CELF2: variants seen among roughly 807,000 people sequenced by gnomAD.
The protein encoded by CELF2 is CUGBP Elav-like family member 2.
A neutral mutation model predicts 62.6 loss-of-function variants in CELF2; 8 were observed. The ratio of observed to expected loss-of-function variants is 0.13; its 90% CI spans 0.07 to 0.23. The LOEUF is 0.23. Ranked by LOEUF, CELF2 falls within the 10% of genes least tolerant of loss-of-function variation. The pLI, the probability that CELF2 is intolerant of heterozygous loss-of-function variation, is 1.00. For missense variants in CELF2, 333 were observed against 671.0 expected (o/e 0.50, Z 5.56); for synonymous variants, 258 against 250.0 (o/e 1.03, Z -0.30).
chr10:10,730,347 C>A, the CELF2 span, among the ~76,000 whole-genome samples: 1 of 152,070 alleles, frequency 6.6e-6, no homozygotes, highest in Non-Finnish European at 1.5e-5. Context: ...CATGGTGATG[C>A]ATGCCTGTAA....
chr10:11,005,346 T>C lies in CELF2; in HGVS notation c.-42T>C. On this transcript the variant is annotated 5_prime_UTR_variant, in exon 1 of 13. Coordinates refer to the CELF2 transcript ENST00000416382. This position sits in a 1 kb window ranked among gnomAD's most constrained non-coding sequence, Gnocchi z 4.3. ...CGACTGTGGCATTGATGTTTGAGCATACTTCTGAACTGGCTTTTGTTGAGA... is the reference window on the plus strand; with the variant it reads ...CGACTGTGGCATTGATGTTTGAGCACACTTCTGAACTGGCTTTTGTTGAGA... 4 of 1,612,942 alleles carry C rather than the reference T, an allele frequency of 2.5e-6. No individual in the cohort carries two copies. Among genetic ancestry groups the C allele is most frequent in the Admixed American group, 1.7e-5 (1 of 59,942 alleles).
rs1323139598 is a variant in CELF2, at chr10:11,011,203, C to T, written c.53+5763C>T. ...TTAAAGTATGAATTTTTATGCATCT[C>T]GGGGGCCAAAATAGGTCATACGGCA... On this transcript the variant is annotated intron_variant, in intron 1 of 12. Transcript: ENST00000416382. The surrounding 1 kb of genome is among the most constrained non-coding windows in gnomAD (Gnocchi z 4.6). 1 of 151,796 alleles carries T rather than the reference C, an allele frequency of 6.6e-6. No homozygotes were observed. The highest frequency in any genetic ancestry group is 1.9e-4 in the East Asian group (1 of 5,160). 9.4% of individuals were successfully genotyped at this position (151,796 alleles called of 1,614,324 possible).
chr10:11,106,205 T>TA (rs2053421389), intron 1 of CELF2, among the ~76,000 whole-genome samples: 6 of 131,100 alleles, frequency 4.6e-5, no homozygotes, highest in Admixed American at 8.5e-5. Flanking sequence ...TATTTTACTT[T>TA]ATTTTATTTA....
chr10:10,694,143 G>T, the CELF2 span, among the ~76,000 whole-genome samples: 1 of 150,968 alleles, frequency 6.6e-6, no homozygotes, highest in Admixed American at 6.6e-5. Context: ...TCTCTTGTGG[G>T]CATTTAGTGC....
intron 2 of CELF2, among the ~76,000 whole-genome samples, chr10:10,989,316 G>A (rs149966564): frequency 6.6e-6 from 1 of 152,222 alleles, no homozygotes; most frequent in Non-Finnish European, 1.5e-5. Context: ...AGAGTAACTT[G>A]CTATACCAGA....
chr10:10,739,386 T>C, the CELF2 span, among the ~76,000 whole-genome samples: 2 of 152,212 alleles, frequency 1.3e-5, no homozygotes, highest in Non-Finnish European at 2.9e-5. Flanking sequence ...CAATGATCAG[T>C]TGGAGACAGG....
At chr10:11,131,365 A>T (rs1223985843) in intron 1 of CELF2, among the ~76,000 whole-genome samples, 1 of 152,164 alleles carries the variant, frequency 6.6e-6, no homozygotes, top group Non-Finnish European at 1.5e-5. Context: ...AGGTGCCGTG[A>T]TGTTTCTGTA....
At chr10:10,655,044 C>T in the CELF2 span, among the ~76,000 whole-genome samples, 4 of 148,782 alleles carry the variant, frequency 2.7e-5, no homozygotes, top group East Asian at 7.9e-4. Flanking sequence ...AATCAATGTA[C>T]AAAAATCACA....
chr10:10,939,477 G>A (rs980326038), intron 2 of CELF2, among the ~76,000 whole-genome samples: 7 of 151,834 alleles, frequency 4.6e-5, no homozygotes, highest in Non-Finnish European at 8.8e-5. Flanking sequence ...GTAGAGACAG[G>A]GTTTCACCAT....
At chr10:11,018,213 G>C (rs61830379) in intron 1 of CELF2, 50 bp downstream of exon 1, 50,714 of 1,467,176 alleles carry the variant, frequency 0.035, 1,155 homozygotes, top group Admixed American at 0.095. Context: ...CCTCCTCCCA[G>C]AGTCGGCGGC....
chr10:10,701,739 C>G, the CELF2 span, among the ~76,000 whole-genome samples: 33,055 of 152,114 alleles, frequency 0.22, 3,892 homozygotes, highest in South Asian at 0.44. Flanking sequence ...ACCAAGAGGC[C>G]GTGCGGGGTG....
intron 3 of CELF2, among the ~76,000 whole-genome samples, chr10:11,221,517 G>C (rs1350819363): frequency 1.3e-5 from 2 of 152,158 alleles, no homozygotes; most frequent in African/African-American, 4.8e-5. Context: ...CACCGTGCTG[G>C]GTGTCATTCT....
At chr10:11,180,704 C>T (rs1373971526) in intron 2 of CELF2, among the ~76,000 whole-genome samples, 1 of 152,076 alleles carries the variant, frequency 6.6e-6, no homozygotes, top group African/African-American at 2.4e-5. Flanking sequence ...TGCGCTAGGT[C>T]CTGTACTAAG....
intron 1 of CELF2, among the ~76,000 whole-genome samples, chr10:10,816,089 A>C (rs1022744560): frequency 6.6e-6 from 1 of 152,126 alleles, no homozygotes; most frequent in Non-Finnish European, 1.5e-5. Context: ...TCTAAACTTT[A>C]ATCTCCAGCC....
rs1041322517 is a variant in CELF2, at chr10:11,319,443, G to A, written c.1097-1746G>A. Among the ~76,000 whole-genome samples, 6 of 152,176 alleles carry A rather than the reference G, an allele frequency of 3.9e-5. No homozygotes were observed. Among genetic ancestry groups the A allele is most frequent in the Non-Finnish European group, 2.9e-5 (2 of 68,026 alleles). Reference sequence around the variant, plus strand: ...AGCACAGCGGCAGGGAGGTGGCCGCGATTTGCTGGTGTCCGAGGGATCATT... The same window carrying A: ...AGCACAGCGGCAGGGAGGTGGCCGCAATTTGCTGGTGTCCGAGGGATCATT... On this transcript the variant is annotated intron_variant, in intron 10 of 12. Transcript: ENST00000633077. The surrounding 1 kb of genome is among the most constrained non-coding windows in gnomAD (Gnocchi z 4.4).
chr10:11,288,624 G>T, intron 9 of CELF2, 72 bp downstream of exon 9: 1 of 1,559,534 alleles, frequency 6.4e-7, no homozygotes, highest in Non-Finnish European at 8.7e-7. Flanking sequence ...GTGCCTCCAG[G>T]TGCGAGGGTG....
the CELF2 span, among the ~76,000 whole-genome samples, chr10:10,564,498 A>C: frequency 6.6e-6 from 1 of 152,162 alleles, no homozygotes; most frequent in Non-Finnish European, 1.5e-5. Context: ...AATCGCTGGA[A>C]TTATGACTAT....
chr10:10,811,473 C>T (rs999077783), intron 1 of CELF2, among the ~76,000 whole-genome samples: 1 of 152,110 alleles, frequency 6.6e-6, no homozygotes, highest in Non-Finnish European at 1.5e-5. Context: ...AGTTCTCCCA[C>T]AGAGATGGGG....
chr10:10,733,600 T>A, the CELF2 span, among the ~76,000 whole-genome samples: 2 of 127,794 alleles, frequency 1.6e-5, no homozygotes, highest in Admixed American at 1.8e-4. Flanking sequence ...GGACTCATAG[T>A]TCAGCATGGC....
Sources: allele counts gnomAD v4.1 joint callset (sites outside exome capture counted in the v4.1 genomes callset), GRCh38; gene constraint gnomAD v4.1.1; non-coding constraint Gnocchi (gnomAD v3.1); transcripts MANE v1.5; gene names NCBI Gene and HGNC (gene_info 2026-07-23, HGNC 2026-07-21).